SIN3A: variants seen among roughly 807,000 people sequenced by gnomAD.
SIN3A encodes paired amphipathic helix protein Sin3a.
In SIN3A, 14 loss-of-function variants were observed where a neutral mutation model predicts 146.1. That is an observed-to-expected ratio of 0.10 (90% CI 0.06 to 0.15). SIN3A has a LOEUF of 0.15. SIN3A is among the 10% of genes least tolerant of loss of function. The probability of loss-of-function intolerance (pLI) is 1.00; values close to 1 mark genes in which losing one functional copy is unlikely to be tolerated. For synonymous variants in SIN3A, 572 were observed against 572.0 expected (o/e 1.00, Z 0.00); for missense variants, 1,028 against 1,576.0 (o/e 0.65, Z 5.89).
intron 1 of SIN3A, among the ~76,000 whole-genome samples, chr15:75,450,705 A>T (rs1314307183): frequency 6.6e-6 from 1 of 152,238 alleles, no homozygotes; most frequent in Non-Finnish European, 1.5e-5. Flanking sequence ...TGACCCAGCC[A>T]CAAGAGTAAG....
chr15:75,388,416 G>A (rs185665341), intron 16 of SIN3A: 2 of 152,320 alleles, frequency 1.3e-5, no homozygotes, highest in African/African-American at 4.8e-5. Context: ...CTGACCCATG[G>A]TAAGCTGCCC....
intron 2 of SIN3A, among the ~76,000 whole-genome samples, chr15:75,423,832 A>C (rs1036592080): frequency 6.6e-6 from 1 of 152,022 alleles, no homozygotes; most frequent in African/African-American, 2.4e-5. Flanking sequence ...GTCTCTACTG[A>C]AAATACCAAA....
At chr15:75,388,115 A>C (rs1239226772) in intron 16 of SIN3A, among the ~76,000 whole-genome samples, 1 of 152,230 alleles carries the variant, frequency 6.6e-6, no homozygotes, top group African/African-American at 2.4e-5. Context: ...GCCCAAGAGA[A>C]CATTAAGCAA....
At chr15:75,403,349 G>C (rs546777456) in intron 9 of SIN3A, among the ~76,000 whole-genome samples, 3 of 151,642 alleles carry the variant, frequency 2.0e-5, no homozygotes, top group Admixed American at 1.3e-4. Flanking sequence ...AGAATCGCTT[G>C]AACCCAGGAG....
rs1270187875 is a variant in SIN3A, at chr15:75,414,275, G to C, written c.403C>G (p.Leu135Val). ...DALSYLDQVK[L>V]QFGSQPQVYN... ...ACCTGAGGCTGACTACCAAACTGCA[G>C]CTTCACCTGGTCAAGATAAGATAGC... Residue 135 changes from leucine (L) to valine (V), a missense_variant, in exon 4 of 21, where the codon CTG (leucine) becomes GTG (valine). By Grantham distance (32) the Leu-to-Val change is conservative. Transcript: ENST00000394947. 1 of 1,558,402 alleles carries C rather than the reference G, an allele frequency of 6.4e-7. No individual in the cohort carries two copies. The highest frequency in any genetic ancestry group is 1.3e-5 in the African/African-American group (1 of 74,286).
At chr15:75,431,196 A>G (rs1363589946) in intron 1 of SIN3A, among the ~76,000 whole-genome samples, 1 of 152,238 alleles carries the variant, frequency 6.6e-6, no homozygotes, top group Admixed American at 6.5e-5. Context: ...ATGGGAAGAC[A>G]AAGATTCTAG....
intron 1 of SIN3A, among the ~76,000 whole-genome samples, chr15:75,449,383 G>A (rs1175281282): frequency 6.6e-6 from 1 of 152,080 alleles, no homozygotes; most frequent in African/African-American, 2.4e-5. Context: ...TTAACCAGAG[G>A]CTCATTTAGA....
At chr15:75,442,954 A>G (rs1313578578) in intron 1 of SIN3A, among the ~76,000 whole-genome samples, 4 of 150,710 alleles carry the variant, frequency 2.7e-5, no homozygotes, top group African/African-American at 4.9e-5. Flanking sequence ...AAAAAAAAAA[A>G]TCACATTCTA....
intron 16 of SIN3A, among the ~76,000 whole-genome samples, chr15:75,385,799 G>A (rs547011382): frequency 2.0e-5 from 3 of 152,132 alleles, no homozygotes; most frequent in African/African-American, 7.2e-5. Context: ...AGGTCAGAAC[G>A]GTGACTGAGT....
At chr15:75,380,596 A>G (rs749223455) in intron 19 of SIN3A, 33 bp downstream of exon 19, 10 of 1,465,810 alleles carry the variant, frequency 6.8e-6, no homozygotes, top group Admixed American at 6.7e-5. Context: ...CATGCACAGT[A>G]TGGACTGCTG....
At chr15:75,374,076 A>G (rs1016036831) in intron 20 of SIN3A, among the ~76,000 whole-genome samples, 8 of 152,154 alleles carry the variant, frequency 5.3e-5, no homozygotes, top group African/African-American at 1.9e-4. Context: ...AGCCCCTAAA[A>G]TCTCCACTTA....
intron 1 of SIN3A, among the ~76,000 whole-genome samples, chr15:75,441,991 G>A (rs189955443): frequency 2.6e-5 from 4 of 151,452 alleles, no homozygotes; most frequent in East Asian, 2.0e-4. Flanking sequence ...GCAGTGGCAC[G>A]CACCCGTAGT....
chr15:75,393,256 CAAT>C (rs1229536515), intron 14 of SIN3A, among the ~76,000 whole-genome samples: 1 of 152,182 alleles, frequency 6.6e-6, no homozygotes, highest in Non-Finnish European at 1.5e-5. Context: ...CTGACTATAA[CAAT>C]AATTTTTGTC....
At chr15:75,414,639 G>C (rs1183641916) in intron 3 of SIN3A, among the ~76,000 whole-genome samples, 1 of 152,138 alleles carries the variant, frequency 6.6e-6, no homozygotes, top group Admixed American at 6.5e-5. Flanking sequence ...GAGTACCAAG[G>C]ATTCAATGAC....
chr15:75,446,849 G>C (rs2074317188), intron 1 of SIN3A, among the ~76,000 whole-genome samples: 1 of 152,002 alleles, frequency 6.6e-6, no homozygotes, highest in African/African-American at 2.4e-5. Context: ...TTGGCTCACT[G>C]CAAGCTCCAC....
intron 1 of SIN3A, among the ~76,000 whole-genome samples, chr15:75,447,496 T>C (rs1405651118): frequency 6.6e-6 from 1 of 152,184 alleles, no homozygotes; most frequent in African/African-American, 2.4e-5. Context: ...CAGCATTGTT[T>C]GGATTTTAGA....
In SIN3A at chr15:75,449,437, A is replaced by G. The variant is rs1400062739; in HGVS notation, c.-34+1986T>C. ...CATTGGTTCCATGTTTATTTTTCTCATGAAAAATGTGAAAAACATTGAAAT... is the reference window on the plus strand; with the variant it reads ...CATTGGTTCCATGTTTATTTTTCTCGTGAAAAATGTGAAAAACATTGAAAT... On this transcript the variant is annotated intron_variant, in intron 1 of 20. Transcript: ENST00000394947. Among the ~76,000 whole-genome samples the G allele has an allele frequency of 3.9e-5, 6 of 152,360 alleles. No homozygotes were observed. In the East Asian group the frequency reaches 9.6e-4, roughly 24 times the overall value.
intron 1 of SIN3A, among the ~76,000 whole-genome samples, chr15:75,439,341 T>C (rs973366962): frequency 2.0e-5 from 3 of 151,700 alleles, no homozygotes; most frequent in Admixed American, 6.6e-5. Flanking sequence ...AACTGTCACA[T>C]ATCTTTTTTT....
At chr15:75,400,655 C>G in intron 11 of SIN3A, 75 bp downstream of exon 11, 2 of 1,006,254 alleles carry the variant, frequency 2.0e-6, no homozygotes, top group Non-Finnish European at 1.5e-6. Context: ...TATAAATTCT[C>G]AATCCTTGGT....
Sources: allele counts gnomAD v4.1 joint callset (sites outside exome capture counted in the v4.1 genomes callset), GRCh38; gene constraint gnomAD v4.1.1; transcripts MANE v1.5; gene names NCBI Gene and HGNC (gene_info 2026-07-23, HGNC 2026-07-21).